The following EIF2AK4 variants were observed in gnomAD, a reference collection of about 807,000 sequenced individuals.
EIF2AK4 encodes the protein eukaryotic translation initiation factor 2 alpha kinase 4.
Under a neutral mutation model 211.1 loss-of-function variants are expected in EIF2AK4, and 139 were observed. The observed-to-expected ratio is 0.66, with a 90% CI of 0.57 to 0.76. The LOEUF is 0.76. Ranked by LOEUF, EIF2AK4 falls within the 30% of genes least tolerant of loss-of-function variation. The probability of loss-of-function intolerance (pLI) is 0.00; values close to 1 mark genes in which losing one functional copy is unlikely to be tolerated. For missense variants in EIF2AK4, 1,664 were observed against 2,043.8 expected, an observed-to-expected ratio of 0.81 and a Z score of 3.58; for synonymous variants, 710 against 751.3, an observed-to-expected ratio of 0.94 and a Z score of 0.90.
Position 39,996,981 on chromosome 15 carries a change from C to T in EIF2AK4, c.2784C>T (p.Ser928=). 3 of 1,613,682 alleles carry T rather than the reference C, an allele frequency of 1.9e-6. No homozygotes were observed. The highest frequency in any genetic ancestry group is 2.5e-6 in the Non-Finnish European group (3 of 1,179,672). ...SAYNQKVDLF[S]LGIIFFEMSY... is the part of the protein sequence containing the mutation. ...CCCCTCAGAAAGTGGATCTCTTCAG[C>T]CTGGGAATTATCTTCTTTGAGATGT... Residue 928 remains serine (S), a synonymous_variant, in exon 19 of 39, where the codon AGC becomes AGT. Transcript: ENST00000263791.
chr15:40,002,711 A>C lies in EIF2AK4; in HGVS notation c.3160-2A>C. The C allele has an allele frequency of 6.2e-7, 1 of 1,614,168 alleles. No individual in the cohort carries two copies. The highest frequency in any genetic ancestry group is 2.2e-5 in the East Asian group (1 of 44,882). ...ATGATGTTTTAATCGGTCCTGTTTT[A>C]GGGCAACTTCTCAATCCGTACAGCC... On this transcript the variant is annotated splice_acceptor_variant, in intron 21 of 38. Coordinates refer to ENST00000263791, the MANE Select transcript of EIF2AK4 (RefSeq NM_001013703.4). LOFTEE classifies it high-confidence loss of function.
At chr15:39,978,199 CTGA>C in intron 13 of EIF2AK4, 52 bp downstream of exon 13, 12 of 1,098,410 alleles carry the variant, frequency 1.1e-5, no homozygotes, top group African/African-American at 9.3e-5. Flanking sequence ...TAATTGACGT[CTGA>C]TGTCATAAAC....
At chr15:40,022,257 G>T in intron 31 of EIF2AK4, 1 of 295,508 alleles carries the variant, frequency 3.4e-6, no homozygotes, top group African/African-American at 2.3e-5. Flanking sequence ...ATTAAGTCTT[G>T]AAGCTTTTGA....
In EIF2AK4 at chr15:40,017,629, C is replaced by T. The variant is rs531753945; in HGVS notation, c.4065+387C>T. Among the ~76,000 whole-genome samples the T allele has an allele frequency of 4.1e-5, 6 of 147,270 alleles. No individual in the cohort carries two copies. In the South Asian group the frequency reaches 1.3e-3, roughly 32 times the overall value. On this transcript the variant is annotated intron_variant, in intron 29 of 38. Coordinates refer to ENST00000263791, the MANE Select transcript of EIF2AK4 (RefSeq NM_001013703.4). ...GCGCAATCTTGGCTCACAGCAGCCT[C>T]GACCTCCCTGGGCTCAAATGATTCT...
At chr15:40,005,053 A>G (rs1266831899) in intron 23 of EIF2AK4, among the ~76,000 whole-genome samples, 4 of 152,254 alleles carry the variant, frequency 2.6e-5, no homozygotes, top group South Asian at 4.1e-4. Context: ...GAATCCACAC[A>G]AAAGAAGGGA....
At chr15:40,002,215 A>G (rs1156961294) in intron 21 of EIF2AK4, among the ~76,000 whole-genome samples, 2 of 152,154 alleles carry the variant, frequency 1.3e-5, no homozygotes, top group Non-Finnish European at 2.9e-5. Context: ...GTCTTTTTTC[A>G]TATGTGTTGT....
intron 3 of EIF2AK4, among the ~76,000 whole-genome samples, chr15:39,945,040 C>G (rs74984086): frequency 0.017 from 2,597 of 152,198 alleles, 84 homozygotes; most frequent in African/African-American, 0.06. Flanking sequence ...CTTTCTAGTA[C>G]AAGGGGATTC....
At chr15:40,032,328 C>A in intron 36 of EIF2AK4, 91 bp downstream of exon 36, 1 of 1,150,318 alleles carries the variant, frequency 8.7e-7, no homozygotes, top group South Asian at 1.3e-5. Context: ...TGCTCAGTGT[C>A]AGCAGAATTT....
chr15:39,993,552 C>A (rs2034980305), intron 18 of EIF2AK4, among the ~76,000 whole-genome samples: 1 of 152,162 alleles, frequency 6.6e-6, no homozygotes, highest in African/African-American at 2.4e-5. Flanking sequence ...GCAGAGGAAA[C>A]TGCACACATA....
rs1376170834 is a variant in EIF2AK4 at position 40,003,320 on chromosome 15, G to C, written c.3357+6G>C. On this transcript the variant is annotated splice_donor_region_variant and intron_variant, in intron 23 of 38. Coordinates refer to ENST00000263791, the MANE Select transcript of EIF2AK4 (RefSeq NM_001013703.4). ...TGCTTCCTTTTGACCTGCGGGTGAG[G>C]CTGGGAACACACTGCTGACAATCAG... 6.2e-7 allele frequency: 1 copy of C among 1,613,904 alleles called. No homozygotes were observed.
At chr15:40,004,284 A>C (rs2035130863) in intron 23 of EIF2AK4, among the ~76,000 whole-genome samples, 1 of 152,226 alleles carries the variant, frequency 6.6e-6, no homozygotes, top group African/African-American at 2.4e-5. Context: ...AAGAAAGAAA[A>C]ACACATCAGT....
At chr15:39,994,727 C>T (rs1395738904) in intron 18 of EIF2AK4, among the ~76,000 whole-genome samples, 1 of 152,182 alleles carries the variant, frequency 6.6e-6, no homozygotes, top group African/African-American at 2.4e-5. Flanking sequence ...GAGCATTGGA[C>T]AACAACATAA....
At chr15:39,937,333 T>A (rs1335592344) in intron 1 of EIF2AK4, among the ~76,000 whole-genome samples, 2 of 152,184 alleles carry the variant, frequency 1.3e-5, no homozygotes, top group Non-Finnish European at 2.9e-5. Context: ...ATTTTAATTT[T>A]TATTTATTTA....
At chr15:40,031,065 C>T (rs928535081) in intron 35 of EIF2AK4, among the ~76,000 whole-genome samples, 1 of 152,086 alleles carries the variant, frequency 6.6e-6, no homozygotes, top group African/African-American at 2.4e-5. Context: ...CATGGTGAAA[C>T]CCTGTCTCTA....
chr15:39,961,574 G>A (rs939191158), intron 6 of EIF2AK4, among the ~76,000 whole-genome samples: 2 of 152,270 alleles, frequency 1.3e-5, no homozygotes, highest in African/African-American at 2.4e-5. Flanking sequence ...AATGGGAAGT[G>A]GGGGAAGTGA....
chr15:39,998,174 G>A (rs2035041894), intron 19 of EIF2AK4, among the ~76,000 whole-genome samples: 1 of 148,106 alleles, frequency 6.8e-6, no homozygotes, highest in Non-Finnish European at 1.5e-5. Context: ...TAAAATTCAT[G>A]TTTATTTACC....
intron 21 of EIF2AK4, among the ~76,000 whole-genome samples, chr15:40,002,213 T>A (rs1036374555): frequency 6.6e-6 from 1 of 152,244 alleles, no homozygotes; most frequent in Non-Finnish European, 1.5e-5. Flanking sequence ...ATGTCTTTTT[T>A]CATATGTGTT....
intron 2 of EIF2AK4, among the ~76,000 whole-genome samples, chr15:39,940,754 G>T (rs993218370): frequency 6.6e-6 from 1 of 151,960 alleles, no homozygotes; most frequent in Non-Finnish European, 1.5e-5. Context: ...CAGTAGTTCA[G>T]TTCAATTCTG....
At position 39,976,692 on chromosome 15, in the gene EIF2AK4, C is replaced by G; in HGVS notation, c.2097C>G (p.Ala699=). ...ACGGCCTGGACAGCGTAGAGGCCGCCGCGCCGCCACCCATCCTCAGCAGCT... is the reference window on the plus strand; with the variant it reads ...ACGGCCTGGACAGCGTAGAGGCCGCGGCGCCGCCACCCATCCTCAGCAGCT... The part of the protein sequence containing the change: ...DTDGLDSVEA[A]APPPILSSSV... The change falls in exon 12 of 39, where the codon GCC becomes GCG. Residue 699 remains alanine (A), a synonymous_variant. Transcript: ENST00000263791. 1 of 1,601,010 alleles carries G rather than the reference C, an allele frequency of 6.2e-7. No homozygotes were observed. Among genetic ancestry groups the G allele is most frequent in the Non-Finnish European group, 8.5e-7 (1 of 1,177,228 alleles).
Sources: allele counts gnomAD v4.1 joint callset (sites outside exome capture counted in the v4.1 genomes callset), GRCh38; gene constraint gnomAD v4.1.1; transcripts MANE v1.5; gene names NCBI Gene and HGNC (gene_info 2026-07-23, HGNC 2026-07-21).